Variants in TPGS2 observed in about 807,000 individuals in gnomAD.
TPGS2 encodes polyglutamylase subunit 2.
A neutral mutation model predicts 31.1 loss-of-function variants in TPGS2; 26 were observed. The observed-to-expected ratio is 0.84, with a 90% CI of 0.61 to 1.16. The LOEUF (loss-of-function observed/expected upper bound fraction) is 1.16, where lower values mean the gene tolerates loss of function less well. Among genes scored for constraint, TPGS2 ranks in the 50% most tolerant of loss-of-function variants. The probability of loss-of-function intolerance (pLI) is 0.00; values close to 1 mark genes in which losing one functional copy is unlikely to be tolerated. For missense variants in TPGS2, 351 were observed against 363.8 expected (o/e 0.96, Z 0.29); for synonymous variants, 130 against 136.6 (o/e 0.95, Z 0.34).
chr18:36,800,261 A>G lies in TPGS2; in HGVS notation c.433T>C (p.Phe145Leu). 6.2e-7 allele frequency: 1 copy of G among 1,614,138 alleles called. No individual in the cohort carries two copies. The highest frequency in any genetic ancestry group is 8.5e-7 in the Non-Finnish European group (1 of 1,179,998). ...KPHFDSRSVI[F>L]ELDSCNGSGK... ...CTGCCATTGCATGAATCCAGCTCAA[A>G]TATCACACTGCGAGAGTCAAAGTGA... Residue 145 changes from phenylalanine (F) to leucine (L), a missense_variant, in exon 5 of 7, where the codon TTT becomes CTT. Coordinates refer to ENST00000334295, the MANE Select transcript of TPGS2 (RefSeq NM_015476.4).
chr18:36,828,209 A>C (rs915491836), intron 1 of TPGS2, among the ~76,000 whole-genome samples: 16 of 152,170 alleles, frequency 1.1e-4, no homozygotes, highest in Non-Finnish European at 1.9e-4. Flanking sequence ...TGTTCGATAA[A>C]AGAAAAACTC....
At chr18:36,806,764 T>A (rs962307593) in intron 3 of TPGS2, among the ~76,000 whole-genome samples, 20 of 142,276 alleles carry the variant, frequency 1.4e-4, no homozygotes, top group Non-Finnish European at 2.1e-4. Flanking sequence ...GGCAGAAGAA[T>A]CTCTTGAACC....
rs190979237 is a variant in TPGS2 at position 36,813,597 on chromosome 18, G to A, written c.165+5297C>T. Among the ~76,000 whole-genome samples the A allele has an allele frequency of 1.2e-4, 18 of 152,322 alleles. No individual in the cohort carries two copies. The East Asian group carries it at 2.7e-3, about 23-fold the overall frequency. ...CTTTCACAGCTACAATGGCAGAAATGAGTAGTTGTGACAGAGACTGTAACG... is the reference window on the plus strand; with the variant it reads ...CTTTCACAGCTACAATGGCAGAAATAAGTAGTTGTGACAGAGACTGTAACG... On this transcript the variant is annotated intron_variant, in intron 2 of 6. Transcript: ENST00000334295.
intron 2 of TPGS2, among the ~76,000 whole-genome samples, chr18:36,813,237 G>A (rs2045508239): frequency 1.3e-5 from 2 of 152,220 alleles, no homozygotes; most frequent in African/African-American, 4.8e-5. Context: ...GGAAGAGTCT[G>A]CGAGGAAGGA....
downstream of TPGS2, among the ~76,000 whole-genome samples, chr18:36,792,769 C>G (rs990425921): frequency 3.3e-5 from 5 of 152,180 alleles, no homozygotes; most frequent in Admixed American, 2.6e-4. Flanking sequence ...CAGGTGCAGG[C>G]TGCCCCTTTT....
intron 4 of TPGS2, among the ~76,000 whole-genome samples, chr18:36,803,820 T>G (rs1476941184): frequency 6.6e-6 from 1 of 152,236 alleles, no homozygotes; most frequent in Non-Finnish European, 1.5e-5. Flanking sequence ...TATGTTGTCT[T>G]AAATCTCCTT....
At chr18:36,798,757 C>T (rs1330487184) in intron 5 of TPGS2, 148 bp from the exon 6 acceptor site, 2 of 1,301,464 alleles carry the variant, frequency 1.5e-6, no homozygotes, top group African/African-American at 3.0e-5. Context: ...TTCTGCCCCA[C>T]TTCTAACCCT....
chr18:36,789,704 AT>A (rs1375635424), downstream of TPGS2: 4 of 152,124 alleles, frequency 2.6e-5, no homozygotes, highest in Non-Finnish European at 5.9e-5. Flanking sequence ...TAATTCCCGT[AT>A]GTTGTGGGAG....
chr18:36,807,092 G>A (rs2045186904), intron 3 of TPGS2, among the ~76,000 whole-genome samples: 1 of 151,992 alleles, frequency 6.6e-6, no homozygotes, highest in South Asian at 2.1e-4. Context: ...TGGAGTCAGA[G>A]ACAATAATGG....
chr18:36,786,767 C>A, intron 6 of TPGS2: 5 of 1,223,414 alleles, frequency 4.1e-6, no homozygotes, highest in South Asian at 4.2e-5. Flanking sequence ...TCTCTGGAGT[C>A]CCCTTGGCCA....
Position 36,828,915 on chromosome 18 carries a change from C to A in TPGS2, c.-148G>T, listed in dbSNP as rs2046336610. ...GTGATGATGGGGGCCCGGGGTTGGT[C>A]TGACAGCAGCAGCTCCGTGGGGCGC... On this transcript the variant is annotated 5_prime_UTR_variant, in exon 1 of 7. Coordinates refer to ENST00000334295, the MANE Select transcript of TPGS2 (RefSeq NM_015476.4). The A allele has an allele frequency of 3.8e-6, 4 of 1,053,742 alleles. No individual in the cohort carries two copies. In the African/African-American group the frequency reaches 4.8e-5, roughly 13 times the overall value. 65.3% of individuals were successfully genotyped at this position (1,053,742 alleles called of 1,614,324 possible). A position where few individuals can be genotyped will look rare whatever the true frequency, so the allele number is the denominator to read the frequency against.
chr18:36,787,012 T>G (rs2044148535), intron 6 of TPGS2: 1 of 1,234,236 alleles, frequency 8.1e-7, no homozygotes, highest in Admixed American at 4.2e-5. Context: ...CAGCTCCCAT[T>G]GGAGGGGCTC....
chr18:36,790,685 C>A (rs1600724979), downstream of TPGS2, among the ~76,000 whole-genome samples: 1 of 152,202 alleles, frequency 6.6e-6, no homozygotes, highest in African/African-American at 2.4e-5. Flanking sequence ...CCTTAGGTAT[C>A]CTGCCTTTAA....
At chr18:36,793,224 C>T (rs916549788), downstream of TPGS2, among the ~76,000 whole-genome samples, 2 of 152,130 alleles carry the variant, frequency 1.3e-5, no homozygotes, top group South Asian at 2.1e-4. Flanking sequence ...TATGCATGAG[C>T]GGAGGAGACA....
intron 4 of TPGS2, among the ~76,000 whole-genome samples, chr18:36,801,269 C>A (rs1180366770): frequency 6.6e-6 from 1 of 152,204 alleles, no homozygotes; most frequent in East Asian, 1.9e-4. Context: ...TCCAGGGAGA[C>A]AGACTGGAAG....
At chr18:36,827,619 A>T (rs1156471186) in intron 1 of TPGS2, among the ~76,000 whole-genome samples, 1 of 152,240 alleles carries the variant, frequency 6.6e-6, no homozygotes, top group Non-Finnish European at 1.5e-5. Flanking sequence ...GGATTTTATT[A>T]TAATTGTGAT....
chr18:36,806,556 T>TA, intron 3 of TPGS2, among the ~76,000 whole-genome samples: 1 of 151,978 alleles, frequency 6.6e-6, no homozygotes. Context: ...TAGCAAGCTA[T>TA]AAAAAAGTAC....
At chr18:36,819,045 T>A in intron 1 of TPGS2, 72 bp from the exon 2 acceptor site, 1 of 1,230,732 alleles carries the variant, frequency 8.1e-7, no homozygotes, top group Non-Finnish European at 1.2e-6. Flanking sequence ...AGTTGTTGAC[T>A]AACTGTTGAT....
chr18:36,828,753 T>C lies in TPGS2; in HGVS notation c.15A>G (p.Ala5=), dbSNP rs1448289166. ...TGCTGCAGCCCAGCCCCGGGGACGATGCCTCCTCCTCCATGGCTCGCGACC... is the reference window on the plus strand; with the variant it reads ...TGCTGCAGCCCAGCCCCGGGGACGACGCCTCCTCCTCCATGGCTCGCGACC... MEEE[A]SSPGLGCSKP... is the part of the protein sequence containing the mutation. The change falls in exon 1 of 7, where the codon GCA becomes GCG. Residue 5 remains alanine (A), a synonymous_variant. Coordinates refer to ENST00000334295, the MANE Select transcript of TPGS2 (RefSeq NM_015476.4). The C allele has an allele frequency of 2.3e-5, 37 of 1,613,680 alleles. No homozygotes were observed. Among genetic ancestry groups the C allele is most frequent in the Non-Finnish European group, 2.7e-5 (32 of 1,179,950 alleles).
Sources: allele counts gnomAD v4.1 joint callset (sites outside exome capture counted in the v4.1 genomes callset), GRCh38; gene constraint gnomAD v4.1.1; transcripts MANE v1.5; gene names NCBI Gene and HGNC (gene_info 2026-07-23, HGNC 2026-07-21).